CDK7: variants seen among roughly 807,000 people sequenced by gnomAD.
The protein encoded by CDK7 is cyclin dependent kinase 7.
Under a neutral mutation model 49.1 loss-of-function variants are expected in CDK7, and 25 were observed. That is an observed-to-expected ratio of 0.51 (90% CI 0.37 to 0.71). CDK7 has a LOEUF of 0.71. CDK7 is among the 30% of genes least tolerant of loss of function. The pLI is 0.00. For missense variants in CDK7, 316 were observed against 411.7 expected, an observed-to-expected ratio of 0.77 and a Z score of 2.01; for synonymous variants, 107 against 140.0, an observed-to-expected ratio of 0.76 and a Z score of 1.67.
In CDK7 at chr5:69,269,283, A is replaced by G. The variant is rs1269383492; in HGVS notation, c.704A>G (p.Glu235Gly). ...IFETLGTPTE[E>G]QWPDMCSLPD... ...GAAACTTTGGGCACACCAACTGAGG[A>G]ACAGTGGCCGGTAAGCCTTTATGCA... is the stretch of plus-strand genomic sequence containing the variant. Residue 235 changes from glutamate to glycine, a missense_variant, in exon 9 of 12, where the codon GAA (glutamate) becomes GGA (glycine). Transcript: ENST00000256443. 1 of 1,609,412 alleles carries G rather than the reference A, an allele frequency of 6.2e-7. No homozygotes were observed. Among genetic ancestry groups the G allele is most frequent in the East Asian group, 2.2e-5 (1 of 44,818 alleles).
intron 9 of CDK7, among the ~76,000 whole-genome samples, chr5:69,272,273 G>A (rs1327746516): frequency 1.3e-5 from 2 of 152,122 alleles, no homozygotes; most frequent in Non-Finnish European, 1.5e-5. Flanking sequence ...ATACAACAGA[G>A]TCTTAATCAA....
chr5:69,258,260 C>G (rs1166853275), intron 6 of CDK7, 107 bp downstream of exon 6: 1 of 572,804 alleles, frequency 1.7e-6, no homozygotes, highest in Admixed American at 3.8e-5. Flanking sequence ...TTATAGCTGA[C>G]TGTTTTATCC....
chr5:69,268,568 G>A (rs1187365912), intron 8 of CDK7, among the ~76,000 whole-genome samples: 1 of 152,136 alleles, frequency 6.6e-6, no homozygotes, highest in Non-Finnish European at 1.5e-5. Flanking sequence ...AAACCACTTT[G>A]AAGGCCAGGC....
chr5:69,249,544 C>G (rs1159726677), intron 2 of CDK7, among the ~76,000 whole-genome samples: 2 of 135,448 alleles, frequency 1.5e-5, no homozygotes, highest in Non-Finnish European at 3.0e-5. Flanking sequence ...GAGCAAGACT[C>G]TGTTTCAAAA....
chr5:69,276,288 C>T (rs941356792), intron 10 of CDK7, among the ~76,000 whole-genome samples: 5 of 152,164 alleles, frequency 3.3e-5, no homozygotes, highest in African/African-American at 1.2e-4. Context: ...CTCAGCCTCC[C>T]AAGGTGCTGG....
chr5:69,261,158 A>G (rs1750783508), intron 7 of CDK7, among the ~76,000 whole-genome samples: 1 of 152,128 alleles, frequency 6.6e-6, no homozygotes, highest in Non-Finnish European at 1.5e-5. Context: ...CCTTCTTCCA[A>G]ATAGATGTCA....
intron 8 of CDK7, among the ~76,000 whole-genome samples, chr5:69,265,924 A>G (rs1463810267): frequency 6.6e-6 from 1 of 151,986 alleles, no homozygotes; most frequent in Non-Finnish European, 1.5e-5. Flanking sequence ...AAAAAGAAAA[A>G]AAGAAATCAA....
rs1241525991 is a variant in CDK7 at position 69,234,930 on chromosome 5, C to T, written c.-46C>T. ...AAGGTAGCTTTAAATTCGTGTTGTC[C>T]TGGGAGCTCGCCCTTTTCGGCTGGA... is the stretch of plus-strand genomic sequence containing the variant. On this transcript the variant is annotated 5_prime_UTR_variant, in exon 1 of 12. Transcript: ENST00000256443. The T allele has an allele frequency of 9.0e-6, 14 of 1,552,328 alleles. No homozygotes were observed. The highest frequency in any genetic ancestry group is 5.4e-5 in the African/African-American group (4 of 73,624).
At chr5:69,236,954 CTTT>C (rs4053029) in intron 2 of CDK7, among the ~76,000 whole-genome samples, 5 of 84,260 alleles carry the variant, frequency 5.9e-5, no homozygotes, top group African/African-American at 9.1e-5. Context: ...GCCTGGCCTT[CTTT>C]TTTTTTTTTT....
intron 10 of CDK7, among the ~76,000 whole-genome samples, chr5:69,274,078 G>A (rs1751859217): frequency 6.6e-6 from 1 of 152,024 alleles, no homozygotes; most frequent in Non-Finnish European, 1.5e-5. Flanking sequence ...ATACTTCTAT[G>A]TATATTATTT....
chr5:69,240,660 CCTCT>C (rs1222692707), intron 2 of CDK7, among the ~76,000 whole-genome samples: 1 of 152,016 alleles, frequency 6.6e-6, no homozygotes, highest in African/African-American at 2.4e-5. Flanking sequence ...ACGGAGTCTC[CCTCT>C]GTCGCCAGGC....
intron 2 of CDK7, among the ~76,000 whole-genome samples, chr5:69,251,032 CA>C (rs1267521027): frequency 7.2e-5 from 11 of 151,844 alleles, no homozygotes; most frequent in Non-Finnish European, 1.2e-4. Flanking sequence ...TGGGCTCAAG[CA>C]ATCCTCCCAC....
At position 69,235,432 on chromosome 5, in the gene CDK7, C is replaced by T. The variant is rs1488695111; in HGVS notation, c.105C>T (p.Asn35=). ...TVYKARDKNT[N]QIVAIKKIKL... ...ACAAGGCCAGAGATAAGAACACCAA[C>T]CAAATTGTCGCCATTAAGAAAGTGA... The change falls in exon 2 of 12, where the codon AAC becomes AAT. Residue 35 remains asparagine (N), a synonymous_variant. Coordinates refer to ENST00000256443, the MANE Select transcript of CDK7 (RefSeq NM_001799.4). The T allele has an allele frequency of 6.2e-7, 1 of 1,602,868 alleles. No homozygotes were observed. Among genetic ancestry groups the T allele is most frequent in the Non-Finnish European group, 8.5e-7 (1 of 1,170,062 alleles).
chr5:69,271,250 G>T (rs1292525381), intron 9 of CDK7, among the ~76,000 whole-genome samples: 3 of 151,966 alleles, frequency 2.0e-5, no homozygotes, highest in African/African-American at 7.3e-5. Context: ...GTGGTTATTT[G>T]CCATCTTTAG....
chr5:69,261,182 A>G (rs749337292), intron 7 of CDK7, among the ~76,000 whole-genome samples: 6 of 152,156 alleles, frequency 3.9e-5, no homozygotes, highest in Non-Finnish European at 8.8e-5. Context: ...AGTATAAATC[A>G]CCTAAGCCCT....
At chr5:69,253,721 TAG>T (rs776096321) in intron 3 of CDK7, among the ~76,000 whole-genome samples, 27 of 152,348 alleles carry the variant, frequency 1.8e-4, no homozygotes, top group Non-Finnish European at 3.4e-4. Flanking sequence ...GTTGTTAGTC[TAG>T]TAGTGGTGTT....
In CDK7 at chr5:69,253,367, C is replaced by T. The variant is rs1750275214; in HGVS notation, c.160+916C>T. On this transcript the variant is annotated intron_variant, in intron 3 of 11. Transcript: ENST00000256443. ...GCAACCTCTACCTCCCGGGTTCAAG[C>T]GATTCTCCTGCCTCAGCTTCCTGAG... Among the ~76,000 whole-genome samples, 3 of 152,022 alleles carry T rather than the reference C, an allele frequency of 2.0e-5. No homozygotes were observed. The South Asian group carries it at 6.2e-4, about 32-fold the overall frequency.
At chr5:69,259,789 T>C (rs776947842) in intron 6 of CDK7, 29 bp from the exon 7 acceptor site, 1 of 1,456,864 alleles carries the variant, frequency 6.9e-7, no homozygotes, top group East Asian at 2.3e-5. Flanking sequence ...ACCCTGCTTA[T>C]TTGTTTGTTT....
chr5:69,256,411 T>C (rs1031056321), intron 5 of CDK7, among the ~76,000 whole-genome samples: 42 of 152,160 alleles, frequency 2.8e-4, no homozygotes, highest in African/African-American at 1.0e-3. Context: ...TGGAGTACAG[T>C]GGCGCGATCT....
Sources: allele counts gnomAD v4.1 joint callset (sites outside exome capture counted in the v4.1 genomes callset), GRCh38; gene constraint gnomAD v4.1.1; transcripts MANE v1.5; gene names NCBI Gene and HGNC (gene_info 2026-07-23, HGNC 2026-07-21).